The following SLC35F1 variants were observed in gnomAD, a reference collection of about 807,000 sequenced individuals.
SLC35F1 encodes the protein chromosome 6 open reading frame 169.
SLC35F1 carries 14 observed loss-of-function variants against 48.7 expected under a neutral mutation model. The observed-to-expected ratio is 0.29, with a 90% CI of 0.19 to 0.45. The LOEUF (loss-of-function observed/expected upper bound fraction) is 0.45. SLC35F1 is among the 20% of genes least tolerant of loss of function. The pLI is 1.00. For synonymous variants in SLC35F1, 190 were observed against 202.2 expected (o/e 0.94, Z 0.51); for missense variants, 404 against 500.0 (o/e 0.81, Z 1.83).
intron 1 of SLC35F1, among the ~76,000 whole-genome samples, chr6:118,149,800 T>G (rs1774028774): frequency 6.6e-6 from 1 of 152,220 alleles, no homozygotes; most frequent in Non-Finnish European, 1.5e-5. Context: ...GAAACAAGAA[T>G]AGATTTGTAT....
chr6:117,934,538 A>G (rs1250709590), intron 1 of SLC35F1, among the ~76,000 whole-genome samples: 2 of 152,242 alleles, frequency 1.3e-5, no homozygotes, highest in African/African-American at 2.4e-5. Context: ...AACTTGTAAA[A>G]TGAATTCTGG....
intron 2 of SLC35F1, among the ~76,000 whole-genome samples, chr6:118,166,468 G>T (rs987842340): frequency 6.6e-6 from 1 of 152,228 alleles, no homozygotes; most frequent in African/African-American, 2.4e-5. Context: ...CAGCTGTGCA[G>T]TGTTAAACTC....
chr6:118,136,936 A>T (rs1773806225), intron 1 of SLC35F1, among the ~76,000 whole-genome samples: 2 of 152,246 alleles, frequency 1.3e-5, no homozygotes, highest in Non-Finnish European at 2.9e-5. Flanking sequence ...TAGCTATGGA[A>T]CTGGAATATA....
intron 1 of SLC35F1, among the ~76,000 whole-genome samples, chr6:118,022,747 AT>A (rs34879607): frequency 0.23 from 27,219 of 120,584 alleles, 2,835 homozygotes; most frequent in African/African-American, 0.35. Context: ...AGCTTGGACA[AT>A]TTTTTTTTTT....
chr6:118,212,842 T>C (rs1169469525), intron 2 of SLC35F1, among the ~76,000 whole-genome samples: 1 of 151,548 alleles, frequency 6.6e-6, no homozygotes, highest in African/African-American at 2.4e-5. Context: ...TTATAAACTA[T>C]TTAGGACAAT....
At chr6:118,000,689 T>C (rs1663875479) in intron 1 of SLC35F1, among the ~76,000 whole-genome samples, 1 of 152,190 alleles carries the variant, frequency 6.6e-6, no homozygotes, top group Admixed American at 6.5e-5. Flanking sequence ...TGATAGTATA[T>C]CTAGAAAACC....
At chr6:118,218,776 T>A (rs1436139518) in intron 2 of SLC35F1, among the ~76,000 whole-genome samples, 1 of 152,212 alleles carries the variant, frequency 6.6e-6, no homozygotes, top group African/African-American at 2.4e-5. Context: ...TTGTCCAAAC[T>A]AACCTCAAGT....
chr6:118,085,532 C>T (rs1472291904), intron 1 of SLC35F1, among the ~76,000 whole-genome samples: 2 of 106,720 alleles, frequency 1.9e-5, no homozygotes, highest in Non-Finnish European at 3.4e-5. Flanking sequence ...GAGCCTCACT[C>T]TGTCTCCCAG....
chr6:118,234,361 TTCTC>T (rs751500435), intron 2 of SLC35F1, among the ~76,000 whole-genome samples: 1 of 151,820 alleles, frequency 6.6e-6, no homozygotes, highest in South Asian at 2.1e-4. Context: ...ATCTTTGGTG[TTCTC>T]TCTCTCTCTC....
intron 1 of SLC35F1, among the ~76,000 whole-genome samples, chr6:117,953,890 G>T (rs915460295): frequency 3.4e-4 from 52 of 152,178 alleles, no homozygotes; most frequent in African/African-American, 1.2e-3. Context: ...GAGAGTGATA[G>T]AAAGGGAACA....
chr6:118,287,519 G>A (rs190470805), intron 7 of SLC35F1, among the ~76,000 whole-genome samples: 35 of 152,254 alleles, frequency 2.3e-4, no homozygotes, highest in African/African-American at 5.8e-4. Flanking sequence ...CAGTGTTCTC[G>A]AAAATCTGGT....
chr6:118,037,216 T>A (rs754510425), intron 1 of SLC35F1, among the ~76,000 whole-genome samples: 1 of 152,202 alleles, frequency 6.6e-6, no homozygotes, highest in Non-Finnish European at 1.5e-5. Flanking sequence ...ATCTTTTTAT[T>A]TAAATCTTTT....
chr6:118,181,017 G>C (rs1265437844), intron 2 of SLC35F1, among the ~76,000 whole-genome samples: 1 of 151,956 alleles, frequency 6.6e-6, no homozygotes, highest in Non-Finnish European at 1.5e-5. Context: ...ATCTAGAGAA[G>C]TGTAATAATA....
chr6:118,141,259 T>C (rs1166781637), intron 1 of SLC35F1, among the ~76,000 whole-genome samples: 1 of 152,166 alleles, frequency 6.6e-6, no homozygotes, highest in Non-Finnish European at 1.5e-5. Context: ...TAGATATGCT[T>C]AGATACACAA....
At chr6:118,013,076 C>A (rs1368392324) in intron 1 of SLC35F1, among the ~76,000 whole-genome samples, 1 of 152,120 alleles carries the variant, frequency 6.6e-6, no homozygotes, top group African/African-American at 2.4e-5. Flanking sequence ...CAGCTATTTC[C>A]CTGTTTTCTG....
rs1338969 is a variant in SLC35F1 at position 117,979,834 on chromosome 6, G to A, written c.173+71935G>A. Among the ~76,000 whole-genome samples the A allele has an allele frequency of 1.4e-4, 22 of 152,294 alleles. No homozygotes were observed. The East Asian group carries it at 3.1e-3, about 21-fold the overall frequency. ...GTATCCATGGGATCCAGCTGATGAT[G>A]TTTTCAATATTGGAGCCTTTTGTTT... On this transcript the variant is annotated intron_variant, in intron 1 of 7. Coordinates refer to ENST00000360388, the MANE Select transcript of SLC35F1 (RefSeq NM_001029858.4).
At chr6:117,982,552 A>C (rs1776794414) in intron 1 of SLC35F1, among the ~76,000 whole-genome samples, 2 of 152,236 alleles carry the variant, frequency 1.3e-5, no homozygotes, top group Non-Finnish European at 2.9e-5. Context: ...AGTGGTGAAT[A>C]ATGTGGGATG....
chr6:118,086,713 T>C (rs1772996354), intron 1 of SLC35F1, among the ~76,000 whole-genome samples: 1 of 152,236 alleles, frequency 6.6e-6, no homozygotes, highest in Non-Finnish European at 1.5e-5. Context: ...TGGTTCACCG[T>C]GGTCTTTCCT....
intron 1 of SLC35F1, among the ~76,000 whole-genome samples, chr6:118,049,935 A>T (rs947463664): frequency 6.6e-6 from 1 of 152,292 alleles, no homozygotes; most frequent in Admixed American, 6.5e-5. Context: ...TTGTGGCACT[A>T]TTCACAGTAG....
Sources: gnomAD v4.1 joint callset for allele counts (sites outside exome capture counted in the v4.1 genomes callset) on GRCh38, gnomAD v4.1.1 for gene constraint, MANE v1.5 for transcripts, NCBI Gene and HGNC (gene_info 2026-07-23, HGNC 2026-07-21) for gene names.